The following NINJ2 variants were observed in gnomAD, a reference collection of about 807,000 sequenced individuals.
NINJ2 encodes ninjurin 2, also known as ninjurin-2.
Under a neutral mutation model 11.7 loss-of-function variants are expected in NINJ2, and 12 were observed. That is an observed-to-expected ratio of 1.02 (90% confidence interval 0.66 to 1.66). The LOEUF (loss-of-function observed/expected upper bound fraction) is 1.66. NINJ2 is among the 40% of genes most tolerant of loss of function. The probability of loss-of-function intolerance (pLI) is 0.00; values close to 1 mark genes in which losing one functional copy is unlikely to be tolerated. For synonymous variants in NINJ2, 93 were observed against 76.8 expected, an observed-to-expected ratio of 1.21 and a Z score of -1.10; for missense variants, 187 against 181.8, an observed-to-expected ratio of 1.03 and a Z score of -0.16.
chr12:573,614 C>A (rs765286160), intron 1 of NINJ2, among the ~76,000 whole-genome samples: 31 of 151,596 alleles, frequency 2.0e-4, no homozygotes, highest in Admixed American at 5.3e-4. Flanking sequence ...AACAAACAAA[C>A]AAAAAAACAG....
At chr12:621,293 T>G (rs1948149416) in intron 1 of NINJ2, among the ~76,000 whole-genome samples, 1 of 148,802 alleles carries the variant, frequency 6.7e-6, no homozygotes, top group African/African-American at 2.5e-5. Flanking sequence ...ATAAAAAAAT[T>G]TAAAAAAAAA....
At chr12:658,579 G>T (rs1317307516) in intron 1 of NINJ2, among the ~76,000 whole-genome samples, 3 of 152,140 alleles carry the variant, frequency 2.0e-5, no homozygotes, top group Admixed American at 2.0e-4. Context: ...ATTGCTAGGG[G>T]TTCAGAGGGG....
chr12:603,699 C>A (rs950654159), intron 1 of NINJ2, among the ~76,000 whole-genome samples: 2 of 151,590 alleles, frequency 1.3e-5, no homozygotes, highest in Non-Finnish European at 2.9e-5. Flanking sequence ...CTCAGCCTGT[C>A]ACCCAGGCTG....
At chr12:574,200 C>T (rs528918873) in intron 1 of NINJ2, among the ~76,000 whole-genome samples, 5 of 152,064 alleles carry the variant, frequency 3.3e-5, no homozygotes, top group Middle Eastern at 3.4e-3. Context: ...CCAGCCTGGG[C>T]AACAAGAGCA....
At chr12:612,350 C>A (rs959587182) in intron 1 of NINJ2, among the ~76,000 whole-genome samples, 3 of 152,200 alleles carry the variant, frequency 2.0e-5, no homozygotes, top group Admixed American at 2.0e-4. Flanking sequence ...CTCTGAGAAA[C>A]CCCCAATTCC....
intron 1 of NINJ2, among the ~76,000 whole-genome samples, chr12:578,288 T>TAA (rs1947498362): frequency 6.6e-6 from 1 of 152,180 alleles, no homozygotes; most frequent in Non-Finnish European, 1.5e-5. Flanking sequence ...CCAAAGCTCC[T>TAA]GGCCGAATAA....
intron 1 of NINJ2, among the ~76,000 whole-genome samples, chr12:577,438 T>TGTGTATATATATATATAC (rs1555161806): frequency 1.4e-5 from 2 of 141,002 alleles, no homozygotes; most frequent in African/African-American, 5.2e-5. Context: ...TACATATATA[T>TGTGTATATATATATATAC]ATATAAATAT....
At chr12:636,430 T>C (rs945231265) in intron 1 of NINJ2, among the ~76,000 whole-genome samples, 1 of 150,984 alleles carries the variant, frequency 6.6e-6, no homozygotes, top group East Asian at 1.9e-4. Context: ...AATAAAAGAG[T>C]GAAAAGACAA....
At chr12:601,362 C>T (rs534457723) in intron 1 of NINJ2, among the ~76,000 whole-genome samples, 210 of 151,182 alleles carry the variant, frequency 1.4e-3, no homozygotes, top group African/African-American at 2.7e-3. Flanking sequence ...CTGGCTAACA[C>T]AGTGAAACCC....
chr12:617,313 C>G (rs1565637141), intron 1 of NINJ2, among the ~76,000 whole-genome samples: 3 of 152,206 alleles, frequency 2.0e-5, no homozygotes, highest in Admixed American at 6.5e-5. Context: ...AGGAAAGACA[C>G]TGGGGGAAGA....
At chr12:618,930 G>C (rs1266165094) in intron 1 of NINJ2, among the ~76,000 whole-genome samples, 2 of 152,182 alleles carry the variant, frequency 1.3e-5, no homozygotes, top group Non-Finnish European at 2.9e-5. Context: ...CCCTGTTCAG[G>C]TGCAGAAAAA....
intron 1 of NINJ2, among the ~76,000 whole-genome samples, chr12:624,531 G>A (rs1251612267): frequency 4.6e-5 from 7 of 152,240 alleles, no homozygotes; most frequent in East Asian, 3.9e-4. Context: ...ATATATGGCC[G>A]GGCACAGTGG....
intron 1 of NINJ2, among the ~76,000 whole-genome samples, chr12:618,617 C>G (rs1948120325): frequency 6.6e-6 from 1 of 152,184 alleles, no homozygotes; most frequent in Non-Finnish European, 1.5e-5. Flanking sequence ...AGTCTGACAG[C>G]ACTGTGGCCC....
intron 1 of NINJ2, among the ~76,000 whole-genome samples, chr12:571,119 T>C (rs1947369725): frequency 6.6e-6 from 1 of 152,170 alleles, no homozygotes; most frequent in African/African-American, 2.4e-5. Flanking sequence ...GACCCAAGAC[T>C]CATAGCTTTG....
chr12:643,741 T>TC (rs1937630646), intron 1 of NINJ2: 3 of 929,620 alleles, frequency 3.2e-6, no homozygotes, highest in East Asian at 1.2e-4. Context: ...TGGAACTCGC[T>TC]CCCCCCTCAC....
intron 1 of NINJ2, among the ~76,000 whole-genome samples, chr12:615,798 C>T (rs1948084940): frequency 6.6e-6 from 1 of 152,190 alleles, no homozygotes; most frequent in African/African-American, 2.4e-5. Context: ...GCATCCCAAG[C>T]ACAGGAAATG....
chr12:616,887 C>T (rs1026856270), intron 1 of NINJ2, among the ~76,000 whole-genome samples: 2 of 152,154 alleles, frequency 1.3e-5, no homozygotes, highest in Admixed American at 6.5e-5. Context: ...ACTTGGAAAG[C>T]TAGCATTGCC....
In NINJ2 at chr12:639,497, T is replaced by TC. The variant is rs1592112826; in HGVS notation, c.33+23830_33+23831insG. On this transcript the variant is annotated intron_variant, in intron 1 of 3. Coordinates refer to ENST00000305108, the MANE Select transcript of NINJ2 (RefSeq NM_016533.6). The stretch of plus-strand genomic sequence containing the variant: ...GAAGGTGCTCTTCTTTTTTTCTATT[T>TC]TGTGTATGCCTCAGTGATGGATGGC... Among the ~76,000 whole-genome samples, 3 of 152,180 alleles carry TC rather than the reference T, an allele frequency of 2.0e-5. No individual in the cohort carries two copies. The East Asian group carries it at 5.8e-4, about 29-fold the overall frequency.
intron 1 of NINJ2, among the ~76,000 whole-genome samples, chr12:576,271 T>G (rs1947459048): frequency 6.6e-6 from 1 of 151,746 alleles, no homozygotes; most frequent in Admixed American, 6.6e-5. Flanking sequence ...GCGCCGCCGT[T>G]GTCCACCAGG....
Sources: allele counts gnomAD v4.1 joint callset (sites outside exome capture counted in the v4.1 genomes callset), GRCh38; gene constraint gnomAD v4.1.1; transcripts MANE v1.5; gene names NCBI Gene and HGNC (gene_info 2026-07-23, HGNC 2026-07-21).